GOLGA4: variants seen among roughly 807,000 people sequenced by gnomAD.
GOLGA4 encodes golgin A4.
In GOLGA4, 169 loss-of-function variants were observed where a neutral mutation model predicts 265.9. That is an observed-to-expected ratio of 0.64 (90% CI 0.56 to 0.72). The LOEUF (loss-of-function observed/expected upper bound fraction) is 0.72, where lower values mean the gene tolerates loss of function less well. Among genes scored for constraint, GOLGA4 ranks in the 30% least tolerant of loss-of-function variants. GOLGA4 has a pLI of 0.00. For synonymous variants in GOLGA4, 923 were observed against 855.8 expected, an observed-to-expected ratio of 1.08 and a Z score of -1.37; for missense variants, 2,482 against 2,483.4, an observed-to-expected ratio of 1.00 and a Z score of 0.01.
At position 37,326,417 on chromosome 3, in the gene GOLGA4, A is replaced by G; in HGVS notation, c.4531A>G (p.Lys1511Glu). The part of the protein sequence containing the change: ...EMEDDKSKME[K>E]KESNLETELK... Reference sequence around the variant, plus strand: ...GGAAGACGACAAGAGCAAGATGGAGAAAAAGGAGTCTAATTTAGAAACAGA... The same window carrying G: ...GGAAGACGACAAGAGCAAGATGGAGGAAAAGGAGTCTAATTTAGAAACAGA... The change falls in exon 14 of 24, where the codon AAA (lysine) becomes GAA (glutamate). Residue 1511 changes from lysine to glutamate, a missense_variant. Around this residue, in one of 3 missense-constraint regions of GOLGA4, gnomAD observed 942 missense variants for 983.1 expected, o/e 0.96. Transcript: ENST00000361924. 1 of 1,612,320 alleles carries G rather than the reference A, an allele frequency of 6.2e-7. No homozygotes were observed. Among genetic ancestry groups the G allele is most frequent in the Non-Finnish European group, 8.5e-7 (1 of 1,178,738 alleles).
At chr3:37,245,802 G>A (rs1180686687) in intron 1 of GOLGA4, among the ~76,000 whole-genome samples, 1 of 152,046 alleles carries the variant, frequency 6.6e-6, no homozygotes, top group Non-Finnish European at 1.5e-5. Context: ...GACCTCTGGT[G>A]ATCCGCCAGC....
Position 37,340,161 on chromosome 3 carries a change from A to C in GOLGA4, c.6434A>C (p.Lys2145Thr). 1 of 1,436,682 alleles carries C rather than the reference A, an allele frequency of 7.0e-7. No individual in the cohort carries two copies. 89.0% of individuals were successfully genotyped at this position (1,436,682 alleles called of 1,614,324 possible). A position where few individuals can be genotyped will look rare whatever the true frequency, so the allele number is the denominator to read the frequency against. Residue 2145 changes from lysine to threonine, a missense_variant, in exon 20 of 24, where the codon AAG (lysine) becomes ACG (threonine). Lys to Thr is a moderately conservative substitution (Grantham distance 78). Transcript: ENST00000361924. The stretch of plus-strand genomic sequence containing the variant: ...GAAGACCGTTTGAAGAAATATGAAA[A>C]GAATGTATATGCAACAACTGTGGGG... ...NLEDRLKKYE[K>T]NVYATTVGTP...
At chr3:37,365,416 C>T (rs1331327120) in intron 23 of GOLGA4, among the ~76,000 whole-genome samples, 2 of 152,162 alleles carry the variant, frequency 1.3e-5, no homozygotes, top group Admixed American at 1.3e-4. Flanking sequence ...GTTACAAGCA[C>T]CACCACGGCC....
At position 37,273,428 on chromosome 3, in the gene GOLGA4, A is replaced by G. The variant is rs1311569755; in HGVS notation, c.163-8530A>G. ...AATGAACAATTACTAATTTTGTTTA[A>G]TAGATAAATGTATCTGATAGGTCTT... On this transcript the variant is annotated intron_variant, in intron 2 of 23. Transcript: ENST00000361924. 2.8e-5 allele frequency: 18 copies of G among 633,622 alleles called. No homozygotes were observed. In the East Asian group the frequency reaches 5.0e-4, roughly 17 times the overall value. 39.2% of individuals were successfully genotyped at this position (633,622 alleles called of 1,614,324 possible).
chr3:37,360,642 T>G (rs1019588690), intron 22 of GOLGA4, among the ~76,000 whole-genome samples: 4 of 152,206 alleles, frequency 2.6e-5, no homozygotes, highest in African/African-American at 9.6e-5. Context: ...GCATAGAATT[T>G]ATTTAAGGTT....
chr3:37,251,320 A>C, intron 1 of GOLGA4, 75 bp from the exon 2 acceptor site: 1 of 858,906 alleles, frequency 1.2e-6, no homozygotes, highest in East Asian at 2.5e-5. Flanking sequence ...GCATGGACTG[A>C]GAGAAGGACT....
At chr3:37,255,610 A>G (rs1428895037) in intron 2 of GOLGA4, among the ~76,000 whole-genome samples, 1 of 152,182 alleles carries the variant, frequency 6.6e-6, no homozygotes, top group East Asian at 1.9e-4. Context: ...TTTTTAACTT[A>G]ATGAAATCAG....
rs1011968224 is a variant in GOLGA4 at position 37,296,632 on chromosome 3, A to G, written c.814+413A>G. Among the ~76,000 whole-genome samples the G allele has an allele frequency of 1.2e-4, 18 of 152,266 alleles. No homozygotes were observed. In the East Asian group the frequency reaches 3.1e-3, roughly 26 times the overall value. ...ATTGCCTAGGCTGGAGTGCAGTAGCATGATCTCGGCTCACTGCAACCTCCA... is the reference window on the plus strand; with the variant it reads ...ATTGCCTAGGCTGGAGTGCAGTAGCGTGATCTCGGCTCACTGCAACCTCCA... On this transcript the variant is annotated intron_variant, in intron 7 of 23. Coordinates refer to ENST00000361924, the MANE Select transcript of GOLGA4 (RefSeq NM_002078.5).
chr3:37,258,118 G>C (rs192422607), intron 2 of GOLGA4, among the ~76,000 whole-genome samples: 2 of 131,098 alleles, frequency 1.5e-5, no homozygotes, highest in Non-Finnish European at 1.6e-5. Context: ...ATATATGTGT[G>C]TATATATATA....
intron 2 of GOLGA4, among the ~76,000 whole-genome samples, chr3:37,259,964 C>T (rs564649281): frequency 6.6e-6 from 1 of 152,260 alleles, no homozygotes; most frequent in African/African-American, 2.4e-5. Context: ...TGATTTACCA[C>T]ATTCTGTACT....
In GOLGA4 at chr3:37,325,788, A is replaced by G; in HGVS notation, c.3902A>G (p.Glu1301Gly). The change falls in exon 14 of 24, where the codon GAA (glutamate) becomes GGA (glycine). Residue 1301 changes from glutamate to glycine, a missense_variant. Glu to Gly is a moderately conservative substitution (Grantham distance 98). Coordinates refer to ENST00000361924, the MANE Select transcript of GOLGA4 (RefSeq NM_002078.5). Reference sequence around the variant, plus strand: ...CAACAGGCTACTCATCAGTTAGAAGAAAAAGAAAATCAAATTAAGAGCATG... The same window carrying G: ...CAACAGGCTACTCATCAGTTAGAAGGAAAAGAAAATCAAATTAAGAGCATG... ...SFQQATHQLE[E>G]KENQIKSMKA... The G allele has an allele frequency of 6.2e-7, 1 of 1,613,370 alleles. No homozygotes were observed. Among genetic ancestry groups the G allele is most frequent in the Non-Finnish European group, 8.5e-7 (1 of 1,179,574 alleles).
At chr3:37,297,481 A>G (rs2096881595) in intron 7 of GOLGA4, among the ~76,000 whole-genome samples, 2 of 152,370 alleles carry the variant, frequency 1.3e-5, no homozygotes, top group South Asian at 4.1e-4. Context: ...GAGGTGAGCT[A>G]AGACACATAA....
At chr3:37,262,910 C>T (rs2096773785) in intron 2 of GOLGA4, among the ~76,000 whole-genome samples, 1 of 151,766 alleles carries the variant, frequency 6.6e-6, no homozygotes, top group East Asian at 1.9e-4. Flanking sequence ...TTGAAAAAAT[C>T]CTATTGCCTG....
rs1044987670 is a variant in GOLGA4 at position 37,325,249 on chromosome 3, T to C, written c.3363T>C (p.His1121=). The change falls in exon 14 of 24, where the codon CAT becomes CAC. Residue 1121 remains histidine (H), a synonymous_variant. Transcript: ENST00000361924. ...AACAGTTAAAGCAGAAGTCTGCCCA[T>C]GTGAATTCTCTTGCACAAGATGAAA... ...LQEQLKQKSA[H]VNSLAQDETK... is the part of the protein sequence containing the mutation. 4 of 1,613,128 alleles carry C rather than the reference T, an allele frequency of 2.5e-6. No individual in the cohort carries two copies. Among genetic ancestry groups the C allele is most frequent in the East Asian group, 4.5e-5 (2 of 44,856 alleles).
chr3:37,327,349 T>C lies in GOLGA4; in HGVS notation c.5463T>C (p.Gly1821=), dbSNP rs1178840926. The C allele has an allele frequency of 1.2e-6, 2 of 1,612,876 alleles. No homozygotes were observed. Among genetic ancestry groups the C allele is most frequent in the African/African-American group, 2.7e-5 (2 of 74,604 alleles). Residue 1821 remains glycine, a synonymous_variant, in exon 14 of 24, where the codon GGT becomes GGC. Transcript: ENST00000361924. Reference sequence around the variant, plus strand: ...CCCAGCATGTGGAAAAAGAAGGAGGTAAAAATAACATACAGGCAAAGCAAA... The same window carrying C: ...CCCAGCATGTGGAAAAAGAAGGAGGCAAAAATAACATACAGGCAAAGCAAA... ...IVAQHVEKEG[G]KNNIQAKQNL... is the part of the protein sequence containing the mutation.
rs116715158 is a variant in GOLGA4 at position 37,363,956 on chromosome 3, A to C, written c.*34-2124A>C. 5.7e-3 allele frequency among the ~76,000 whole-genome samples: 874 copies of C among 152,326 alleles called. 5 individuals are homozygous for C. The highest frequency in any genetic ancestry group is 0.031 in the Middle Eastern group (9 of 294). ...ATCAAGCTACGGTTTCAAAATAAAA[A>C]CTGACAAGGAATTTACGTATAACAG... is the stretch of plus-strand genomic sequence containing the variant. On this transcript the variant is annotated intron_variant, in intron 23 of 23. Coordinates refer to ENST00000361924, the MANE Select transcript of GOLGA4 (RefSeq NM_002078.5).
Position 37,325,316 on chromosome 3 carries a change from A to T in GOLGA4, c.3430A>T (p.Asn1144Tyr). The T allele has an allele frequency of 6.2e-7, 1 of 1,613,718 alleles. No individual in the cohort carries two copies. The highest frequency in any genetic ancestry group is 8.5e-7 in the Non-Finnish European group (1 of 1,179,694). Residue 1144 changes from asparagine to tyrosine, a missense_variant, in exon 14 of 24, where the codon AAT (asparagine) becomes TAT (tyrosine). Physicochemically the swap from Asn to Tyr is moderately radical, Grantham distance 143. Around this residue, in one of 3 missense-constraint regions of GOLGA4, gnomAD observed 1,536 missense variants for 1,483.7 expected, o/e 1.04. Coordinates refer to ENST00000361924, the MANE Select transcript of GOLGA4 (RefSeq NM_002078.5). ...AHLEKLEVDL[N>Y]KSLKENTFLQ... ...TCTTGAAAAGCTAGAGGTTGACTTGAATAAGTCTCTGAAGGAAAATACTTT... is the reference window on the plus strand; with the variant it reads ...TCTTGAAAAGCTAGAGGTTGACTTGTATAAGTCTCTGAAGGAAAATACTTT...
Position 37,340,192 on chromosome 3 carries a change from T to C in GOLGA4, c.6465T>C (p.Pro2155=). 1 of 1,326,076 alleles carries C rather than the reference T, an allele frequency of 7.5e-7. No individual in the cohort carries two copies. Among genetic ancestry groups the C allele is most frequent in the Non-Finnish European group, 1.1e-6 (1 of 941,178 alleles). The allele number at this position is 1,326,076 out of a possible 1,614,324, so 82.1% of individuals were successfully genotyped here. Residue 2155 remains proline, a synonymous_variant, in exon 20 of 24, where the codon CCT becomes CCC. Coordinates refer to ENST00000361924, the MANE Select transcript of GOLGA4 (RefSeq NM_002078.5). The part of the protein sequence containing the change: ...KNVYATTVGT[P]YKGGNLYHTD... ...TATATGCAACAACTGTGGGGACACC[T>C]TACAAAGGTAAGGATGATCTCGTGT... is the stretch of plus-strand genomic sequence containing the variant.
intron 5 of GOLGA4, among the ~76,000 whole-genome samples, chr3:37,290,646 G>T (rs1188318846): frequency 6.6e-6 from 1 of 152,100 alleles, no homozygotes; most frequent in Non-Finnish European, 1.5e-5. Context: ...TAATAACGTA[G>T]AAAAATGTAT....
Sources: allele counts gnomAD v4.1 joint callset (sites outside exome capture counted in the v4.1 genomes callset), GRCh38; gene constraint gnomAD v4.1.1; regional missense constraint gnomAD v4.1.1; transcripts MANE v1.5; gene names NCBI Gene and HGNC (gene_info 2026-07-23, HGNC 2026-07-21).